The following LDLRAD4 variants were observed in gnomAD, a reference collection of about 807,000 sequenced individuals.
The protein encoded by LDLRAD4 is low-density lipoprotein receptor class A domain-containing protein 4.
Under a neutral mutation model 17.0 loss-of-function variants are expected in LDLRAD4, and 5 were observed. The ratio of observed to expected loss-of-function variants is 0.29; its 90% CI spans 0.15 to 0.62. The LOEUF (loss-of-function observed/expected upper bound fraction) is 0.62, where lower values mean the gene tolerates loss of function less well. Ranked by LOEUF, LDLRAD4 falls within the 20% of genes least tolerant of loss-of-function variation. The pLI, the probability that LDLRAD4 is intolerant of heterozygous loss-of-function variation, is 0.84. For synonymous variants in LDLRAD4, 168 were observed against 171.8 expected (o/e 0.98, Z 0.17); for missense variants, 340 against 424.7 (o/e 0.80, Z 1.75).
chr18:13,550,356 GA>G (rs1350370066), intron 3 of LDLRAD4, among the ~76,000 whole-genome samples: 1 of 151,910 alleles, frequency 6.6e-6, no homozygotes, highest in African/African-American at 2.4e-5. Flanking sequence ...GCTAGCATAG[GA>G]AAAAAACCTT....
At chr18:13,456,332 C>T (rs1320654434) in intron 3 of LDLRAD4, among the ~76,000 whole-genome samples, 1 of 152,212 alleles carries the variant, frequency 6.6e-6, no homozygotes, top group Non-Finnish European at 1.5e-5. Flanking sequence ...GGTGCCCCTT[C>T]CTGACCGGGG....
At chr18:13,313,804 T>A (rs556997972) in intron 1 of LDLRAD4, among the ~76,000 whole-genome samples, 1 of 146,468 alleles carries the variant, frequency 6.8e-6, no homozygotes, top group South Asian at 2.2e-4. Flanking sequence ...CTTGTGAAAA[T>A]CCAGCCAACA....
intron 3 of LDLRAD4, among the ~76,000 whole-genome samples, chr18:13,563,356 T>C (rs1002168432): frequency 6.6e-6 from 1 of 152,184 alleles, no homozygotes; most frequent in Non-Finnish European, 1.5e-5. Context: ...CATCCAGCCA[T>C]GCCTGTGGAT....
chr18:13,569,712 C>T (rs1331474798), intron 3 of LDLRAD4, among the ~76,000 whole-genome samples: 1 of 152,140 alleles, frequency 6.6e-6, no homozygotes, highest in Admixed American at 6.5e-5. Flanking sequence ...GGTGAAACCC[C>T]TGTCTCTACT....
chr18:13,596,204 G>A (rs1430182766), intron 3 of LDLRAD4, among the ~76,000 whole-genome samples: 2 of 152,054 alleles, frequency 1.3e-5, no homozygotes, highest in Admixed American at 6.5e-5. Flanking sequence ...GTTTTCTTAT[G>A]ACTGTTGTTT....
intron 1 of LDLRAD4, among the ~76,000 whole-genome samples, chr18:13,259,306 C>T (rs2043677236): frequency 6.6e-6 from 1 of 152,174 alleles, no homozygotes; most frequent in Non-Finnish European, 1.5e-5. Flanking sequence ...TCCTGAGTCA[C>T]TGGGACTACA....
At chr18:13,320,674 A>G (rs1006382851) in intron 1 of LDLRAD4, among the ~76,000 whole-genome samples, 1 of 152,212 alleles carries the variant, frequency 6.6e-6, no homozygotes, top group Non-Finnish European at 1.5e-5. Flanking sequence ...GCAGTCCCCA[A>G]CAGTGAGGCT....
At chr18:13,463,884 TA>T (rs1421015499) in intron 3 of LDLRAD4, among the ~76,000 whole-genome samples, 1 of 152,264 alleles carries the variant, frequency 6.6e-6, no homozygotes, top group Non-Finnish European at 1.5e-5. Context: ...ATTTCTGCAT[TA>T]ATGGATAGTA....
chr18:13,612,742 A>G, intron 3 of LDLRAD4: 1 of 1,613,872 alleles, frequency 6.2e-7, no homozygotes, highest in South Asian at 1.1e-5. Flanking sequence ...ACACTGAAGG[A>G]GGCTCAGTTC....
At chr18:13,331,414 A>G (rs1466516399) in intron 1 of LDLRAD4, among the ~76,000 whole-genome samples, 1 of 152,222 alleles carries the variant, frequency 6.6e-6, no homozygotes, top group Non-Finnish European at 1.5e-5. Flanking sequence ...ATTTTTCCAC[A>G]CCATGATGTT....
chr18:13,558,765 A>G (rs1009536807), intron 3 of LDLRAD4, among the ~76,000 whole-genome samples: 1 of 152,242 alleles, frequency 6.6e-6, no homozygotes, highest in African/African-American at 2.4e-5. Flanking sequence ...TGAAAAATAT[A>G]AAACAGTAAG....
At chr18:13,241,329 C>T (rs1161044845) in intron 1 of LDLRAD4, 1 of 152,272 alleles carries the variant, frequency 6.6e-6, no homozygotes, top group Non-Finnish European at 1.5e-5. Flanking sequence ...CTGGCCCCGG[C>T]GTCTGCTGTG....
At chr18:13,549,989 CT>C (rs2094414166) in intron 3 of LDLRAD4, among the ~76,000 whole-genome samples, 1 of 152,186 alleles carries the variant, frequency 6.6e-6, no homozygotes, top group Non-Finnish European at 1.5e-5. Flanking sequence ...GTGGATTCTT[CT>C]GAACTGCTGC....
intron 1 of LDLRAD4, among the ~76,000 whole-genome samples, chr18:13,384,776 G>T (rs2085664268): frequency 6.6e-6 from 1 of 152,132 alleles, no homozygotes; most frequent in South Asian, 2.1e-4. Context: ...TTGGCATAAT[G>T]TCCTCCCGTT....
At chr18:13,335,994 C>T (rs1191503618) in intron 1 of LDLRAD4, among the ~76,000 whole-genome samples, 2 of 152,162 alleles carry the variant, frequency 1.3e-5, no homozygotes, top group African/African-American at 4.8e-5. Context: ...ATGGTGTCAG[C>T]ATCTGCTTCT....
chr18:13,301,841 G>A (rs1477239748), intron 1 of LDLRAD4, among the ~76,000 whole-genome samples: 1 of 152,172 alleles, frequency 6.6e-6, no homozygotes, highest in Non-Finnish European at 1.5e-5. Context: ...GGTCTGAGGT[G>A]GGCGTCATTG....
chr18:13,465,568 GCCCTCATTCCAA>G (rs1400339012), intron 3 of LDLRAD4, among the ~76,000 whole-genome samples: 3 of 152,182 alleles, frequency 2.0e-5, no homozygotes, highest in Non-Finnish European at 4.4e-5. Flanking sequence ...CTACGACCTT[GCCCTCATTCCAA>G]AGGGCAGCCT....
At chr18:13,576,869 C>G (rs1404556514) in intron 3 of LDLRAD4, among the ~76,000 whole-genome samples, 2 of 152,222 alleles carry the variant, frequency 1.3e-5, no homozygotes, top group Admixed American at 6.5e-5. Flanking sequence ...ATGAGCTCCG[C>G]TCAGAGAAAC....
At chr18:13,243,195 G>A (rs2042755306) in intron 1 of LDLRAD4, among the ~76,000 whole-genome samples, 2 of 152,192 alleles carry the variant, frequency 1.3e-5, no homozygotes, top group African/African-American at 2.4e-5. Flanking sequence ...CCTTTCCATG[G>A]GCAGCATGGT....
Sources: allele counts gnomAD v4.1 joint callset (sites outside exome capture counted in the v4.1 genomes callset), GRCh38; gene constraint gnomAD v4.1.1; transcripts MANE v1.5; gene names NCBI Gene and HGNC (gene_info 2026-07-23, HGNC 2026-07-21).